The following TXNDC12 variants were observed in gnomAD, a reference collection of about 807,000 sequenced individuals.
TXNDC12 encodes thioredoxin domain containing 12, also known as thioredoxin domain-containing protein 12.
Under a neutral mutation model 24.2 loss-of-function variants are expected in TXNDC12, and 22 were observed. The ratio of observed to expected loss-of-function variants is 0.91; its 90% confidence interval spans 0.65 to 1.30. The LOEUF (loss-of-function observed/expected upper bound fraction) is 1.30. TXNDC12 is among the 50% of genes most tolerant of loss of function. The pLI is 0.00. For missense variants in TXNDC12, 184 were observed against 205.8 expected (o/e 0.89, Z 0.65); for synonymous variants, 58 against 73.4 (o/e 0.79, Z 1.07).
Position 52,021,027 on chromosome 1 carries a change from T to C in TXNDC12, c.440-15A>G, listed in dbSNP as rs757369732. On this transcript the variant is annotated splice_polypyrimidine_tract_variant and intron_variant, in intron 6 of 6. Transcript: ENST00000371626. ...CCCCTGAACAACTGTGAAATAAAGA[T>C]TGGAGGAAAAAAGTATGAAGTAAGT... 3.7e-6 allele frequency: 6 copies of C among 1,600,128 alleles called. No individual in the cohort carries two copies. Among genetic ancestry groups the C allele is most frequent in the South Asian group, 1.1e-5 (1 of 90,696 alleles).
intron 1 of TXNDC12, chr1:52,051,656 G>T (rs901920445): frequency 2.5e-5 from 4 of 162,750 alleles, no homozygotes; most frequent in Non-Finnish European, 5.8e-5. Context: ...TGGGATAACA[G>T]GCATGAGCCA....
At position 52,020,444 on chromosome 1, in the gene TXNDC12, CTTGGT is replaced by C. The variant is rs1685575885; in HGVS notation, c.*484_*488del. 1 of 256,050 alleles carries C rather than the reference CTTGGT, an allele frequency of 3.9e-6. No homozygotes were observed. Among genetic ancestry groups the C allele is most frequent in the African/African-American group, 2.2e-5 (1 of 45,020 alleles). 15.9% of individuals were successfully genotyped at this position (256,050 alleles called of 1,614,324 possible). A position where few individuals can be genotyped will look rare whatever the true frequency, so the allele number is the denominator to read the frequency against. On this transcript the variant is annotated 3_prime_UTR_variant, in exon 7 of 7. Transcript: ENST00000371626. The stretch of plus-strand genomic sequence containing the variant: ...AAAAGGGAAAAAACAGGCTGATATC[CTTGGT>C]AGGGGGTAGAATAACTGATTTACAC...
At chr1:52,033,593 C>A in intron 2 of TXNDC12, 2 of 1,613,368 alleles carry the variant, frequency 1.2e-6, no homozygotes, top group Non-Finnish European at 1.7e-6. Context: ...CCACGCAATG[C>A]CTTCTCACGG....
chr1:52,029,666 C>T (rs1248296645), intron 2 of TXNDC12, among the ~76,000 whole-genome samples: 1 of 152,228 alleles, frequency 6.6e-6, no homozygotes, highest in Admixed American at 6.5e-5. Context: ...TCTTAGCTGT[C>T]TCTATATCCT....
intron 1 of TXNDC12, among the ~76,000 whole-genome samples, chr1:52,046,902 G>A (rs1686106322): frequency 6.8e-6 from 1 of 146,820 alleles, no homozygotes; most frequent in Non-Finnish European, 1.5e-5. Context: ...TATTAGCCGG[G>A]TATGGTGGCA....
chr1:52,032,466 G>A, intron 2 of TXNDC12: 1 of 1,294,680 alleles, frequency 7.7e-7, no homozygotes. Flanking sequence ...TCTGTCCTCT[G>A]AGGGATTTGC....
intron 4 of TXNDC12, among the ~76,000 whole-genome samples, chr1:52,025,831 T>C (rs1295771674): frequency 6.6e-6 from 1 of 151,898 alleles, no homozygotes; most frequent in Non-Finnish European, 1.5e-5. Flanking sequence ...ATCTTTTTTT[T>C]TTTTTTTCTC....
Position 52,028,630 on chromosome 1 carries a change from A to G in TXNDC12, c.159T>C (p.Ser53=). The part of the protein sequence containing the change: ...LEDGKKEAAA[S]GLPLMVIIHK... Reference sequence around the variant, plus strand: ...GAATAATCACCATCAGGGGCAGTCCACTTAAAAGCAAAACAAAGAAATTAT... The same window carrying G: ...GAATAATCACCATCAGGGGCAGTCCGCTTAAAAGCAAAACAAAGAAATTAT... Residue 53 remains serine (S), a splice_region_variant and synonymous_variant, in exon 3 of 7, where the codon AGT becomes AGC. Coordinates refer to ENST00000371626, the MANE Select transcript of TXNDC12 (RefSeq NM_015913.4). 1.2e-6 allele frequency: 2 copies of G among 1,609,082 alleles called. No individual in the cohort carries two copies. The highest frequency in any genetic ancestry group is 1.7e-6 in the Non-Finnish European group (2 of 1,178,216).
At chr1:52,045,952 C>T (rs1686082370) in intron 1 of TXNDC12, among the ~76,000 whole-genome samples, 1 of 152,054 alleles carries the variant, frequency 6.6e-6, no homozygotes, top group Non-Finnish European at 1.5e-5. Context: ...GTGGCTCATG[C>T]CTGTAATCCC....
chr1:52,046,843 C>A (rs1686099693), intron 1 of TXNDC12, among the ~76,000 whole-genome samples: 1 of 127,518 alleles, frequency 7.8e-6, no homozygotes, highest in African/African-American at 3.2e-5. Flanking sequence ...TGGTGAAACC[C>A]CATCTCTACT....
At chr1:52,023,424 G>A in intron 6 of TXNDC12, 67 bp downstream of exon 6, 1 of 1,287,752 alleles carries the variant, frequency 7.8e-7, no homozygotes, top group Non-Finnish European at 1.1e-6. Context: ...TCCTATCACA[G>A]ACCTTGCATG....
At chr1:52,024,366 C>T (rs1685643765) in intron 5 of TXNDC12, 144 bp downstream of exon 5, 1 of 640,808 alleles carries the variant, frequency 1.6e-6, no homozygotes, top group East Asian at 2.8e-5. Flanking sequence ...TTCTAGCATT[C>T]AGAACTCCCC....
intron 1 of TXNDC12, among the ~76,000 whole-genome samples, chr1:52,053,714 G>C (rs1270466418): frequency 6.6e-6 from 1 of 152,052 alleles, no homozygotes; most frequent in East Asian, 1.9e-4. Context: ...GTTTTAAAAT[G>C]GGATTGTCAG....
At chr1:52,021,040 G>A in intron 6 of TXNDC12, 28 bp from the exon 7 acceptor site, 1 of 1,534,648 alleles carries the variant, frequency 6.5e-7, no homozygotes, top group Non-Finnish European at 9.0e-7. Context: ...GAGGAAAAAA[G>A]TATGAAGTAA....
intron 2 of TXNDC12, among the ~76,000 whole-genome samples, chr1:52,038,919 T>C (rs1188677581): frequency 4.8e-5 from 5 of 104,312 alleles, no homozygotes; most frequent in African/African-American, 1.7e-4. Context: ...TTTTTTTTTT[T>C]ACGCAATTGG....
chr1:52,042,464 CTT>C (rs3075033), intron 1 of TXNDC12, among the ~76,000 whole-genome samples: 6,779 of 140,518 alleles, frequency 0.048, 188 homozygotes, highest in East Asian at 0.13. Flanking sequence ...TATACTTTCA[CTT>C]TTTTTTTTTT....
chr1:52,029,483 C>T (rs1401311301), intron 2 of TXNDC12, among the ~76,000 whole-genome samples: 1 of 152,218 alleles, frequency 6.6e-6, no homozygotes, highest in Non-Finnish European at 1.5e-5. Context: ...GCTCAAATGA[C>T]AGTAGGAAGA....
intron 1 of TXNDC12, chr1:52,050,988 C>T (rs1472820003): frequency 5.9e-6 from 1 of 169,662 alleles, no homozygotes. Context: ...AGGGCACTGG[C>T]TCTGGGATTT....
chr1:52,048,556 G>C (rs1342423085), intron 1 of TXNDC12, among the ~76,000 whole-genome samples: 2 of 151,360 alleles, frequency 1.3e-5, no homozygotes, highest in Non-Finnish European at 2.9e-5. Flanking sequence ...AAGGAAGCTA[G>C]ATTAATATAA....
Sources: allele counts gnomAD v4.1 joint callset (sites outside exome capture counted in the v4.1 genomes callset), GRCh38; gene constraint gnomAD v4.1.1; transcripts MANE v1.5; gene names NCBI Gene and HGNC (gene_info 2026-07-23, HGNC 2026-07-21).